The following C1orf52 variants were observed in gnomAD, a reference collection of about 807,000 sequenced individuals.
C1orf52 encodes the protein UPF0690 protein C1orf52.
C1orf52 carries 5 observed loss-of-function variants against 17.2 expected under a neutral mutation model. That is an observed-to-expected ratio of 0.29 (90% CI 0.15 to 0.61). The LOEUF (loss-of-function observed/expected upper bound fraction) is 0.61, where lower values mean the gene tolerates loss of function less well. Ranked by LOEUF, C1orf52 falls within the 20% of genes least tolerant of loss-of-function variation. C1orf52 has a pLI of 0.85. For missense variants in C1orf52, 245 were observed against 234.1 expected (o/e 1.05, Z -0.30); for synonymous variants, 110 against 88.0 (o/e 1.25, Z -1.40).
chr1:85,258,578 G>C lies in C1orf52; in HGVS notation c.421C>G (p.Gln141Glu), dbSNP rs1236532105. Reference sequence around the variant, plus strand: ...AGAAGCCTAGCTTTCTTAGCATTCTGTGGAGCATCATCACCATTGTCCTCA... The same window carrying C: ...AGAAGCCTAGCTTTCTTAGCATTCTCTGGAGCATCATCACCATTGTCCTCA... ...IYEDNGDDAPQNAKKARLLPE... is the reference protein window; with the variant it reads ...IYEDNGDDAPENAKKARLLPE... The change falls in exon 2 of 3, where the codon CAG becomes GAG. Residue 141 changes from glutamine (Q) to glutamate (E), a missense_variant. Coordinates refer to ENST00000471115, the MANE Select transcript of C1orf52 (RefSeq NM_198077.4). 2 of 1,614,028 alleles carry C rather than the reference G, an allele frequency of 1.2e-6. No homozygotes were observed. Among genetic ancestry groups the C allele is most frequent in the African/African-American group, 1.3e-5 (1 of 74,912 alleles).
chr1:85,256,385 T>G (rs1659936951), intron 2 of C1orf52, among the ~76,000 whole-genome samples: 1 of 152,232 alleles, frequency 6.6e-6, no homozygotes, highest in African/African-American at 2.4e-5. Flanking sequence ...ATTTTAGAAT[T>G]TGGCATTTTC....
At chr1:85,259,197 G>A in intron 1 of C1orf52, 161 bp downstream of exon 1, 4 of 1,150,630 alleles carry the variant, frequency 3.5e-6, no homozygotes, top group South Asian at 1.6e-5. Flanking sequence ...GGCGGGGAGA[G>A]GGGGCCAGGT....
chr1:85,259,159 G>A, intron 1 of C1orf52, 199 bp downstream of exon 1: 1 of 1,157,264 alleles, frequency 8.6e-7, no homozygotes, highest in Non-Finnish European at 1.2e-6. Context: ...CAAGGGGCGG[G>A]GCTGCGGGTC....
rs764946948 is a variant in C1orf52 at position 85,258,592 on chromosome 1, C to A, written c.407G>T (p.Gly136Val). The A allele has an allele frequency of 3.1e-6, 5 of 1,614,186 alleles. No individual in the cohort carries two copies. The Admixed American group carries it at 5.0e-5, about 16-fold the overall frequency. Reference protein sequence around the residue: ...IKWSNIYEDNGDDAPQNAKKA... With the variant: ...IKWSNIYEDNVDDAPQNAKKA... ...CTTAGCATTCTGTGGAGCATCATCA[C>A]CATTGTCCTCATATATGTTAGACCA... is the stretch of plus-strand genomic sequence containing the variant. The change falls in exon 2 of 3, where the codon GGT (glycine) becomes GTT (valine). Residue 136 changes from glycine (G) to valine (V), a missense_variant. Transcript: ENST00000471115.
Position 85,258,417 on chromosome 1 carries a change from AGTTT to A in C1orf52, c.475+103_475+106del, listed in dbSNP as rs1487909027. On this transcript the variant is annotated intron_variant, in intron 2 of 2. Transcript: ENST00000471115. ...GTAAGTATCCAAAGACCATCAAATTAGTTTGTCAATTCGCTAGATTTAATTTTCA... is the reference window on the plus strand; with the variant it reads ...GTAAGTATCCAAAGACCATCAAATTAGTCAATTCGCTAGATTTAATTTTCA... The A allele has an allele frequency of 1.8e-5, 19 of 1,027,826 alleles. No individual in the cohort carries two copies. In the African/African-American group the frequency reaches 2.6e-4, roughly 14 times the overall value. 63.7% of individuals were successfully genotyped at this position (1,027,826 alleles called of 1,614,324 possible).
chr1:85,257,323 A>C (rs1659968189), intron 2 of C1orf52: 1 of 633,616 alleles, frequency 1.6e-6, no homozygotes, highest in African/African-American at 1.9e-5. Flanking sequence ...TAGAGGTGAT[A>C]CCTGAGATTT....
In C1orf52 at chr1:85,252,472, G is replaced by T. The variant is rs1659822806; in HGVS notation, c.*157C>A. ...TACATACATGTTTTAAATAAAAAAA[G>T]AATTCTATAGTGGAAAGTTCTTGAG... On this transcript the variant is annotated 3_prime_UTR_variant, in exon 3 of 3. Transcript: ENST00000471115. The T allele has an allele frequency of 1.7e-6, 1 of 594,396 alleles. No homozygotes were observed. The highest frequency in any genetic ancestry group is 3.5e-5 in the Admixed American group (1 of 28,180). 36.8% of individuals were successfully genotyped at this position (594,396 alleles called of 1,614,324 possible).
chr1:85,257,857 A>C (rs905948250), intron 2 of C1orf52, among the ~76,000 whole-genome samples: 1 of 152,132 alleles, frequency 6.6e-6, no homozygotes, highest in Non-Finnish European at 1.5e-5. Flanking sequence ...GTAAATCCCA[A>C]CACTTTGGGA....
chr1:85,253,145 G>C (rs942102970), intron 2 of C1orf52, among the ~76,000 whole-genome samples: 9 of 151,938 alleles, frequency 5.9e-5, no homozygotes, highest in Admixed American at 1.3e-4. Flanking sequence ...ATGATGAAGG[G>C]GCTTTATTGG....
Position 85,251,999 on chromosome 1 carries a change from A to G in C1orf52, c.*630T>C, listed in dbSNP as rs901888962. The G allele has an allele frequency of 6.6e-6, 1 of 152,222 alleles. No individual in the cohort carries two copies. Among genetic ancestry groups the G allele is most frequent in the Non-Finnish European group, 1.5e-5 (1 of 68,042 alleles). The allele number at this position is 152,222 out of a possible 1,614,324, so 9.4% of individuals were successfully genotyped here. ...CAGACAAGCTACTCAAGCACTCTTT[A>G]TTATAAAATGAGAATACTAATAATA... On this transcript the variant is annotated 3_prime_UTR_variant, in exon 3 of 3. Coordinates refer to ENST00000471115, the MANE Select transcript of C1orf52 (RefSeq NM_198077.4).
At chr1:85,253,139 T>G (rs574721194) in intron 2 of C1orf52, among the ~76,000 whole-genome samples, 8 of 152,310 alleles carry the variant, frequency 5.3e-5, no homozygotes, top group Admixed American at 2.0e-4. Flanking sequence ...AGAAGGATGA[T>G]GAAGGGGCTT....
rs1283099892 is a variant in C1orf52, at chr1:85,251,571, C to T, written c.*1058G>A. On this transcript the variant is annotated 3_prime_UTR_variant, in exon 3 of 3. Coordinates refer to ENST00000471115, the MANE Select transcript of C1orf52 (RefSeq NM_198077.4). Reference sequence around the variant, plus strand: ...TAAAATAGAAGCTGGGTAGAGAAAACATGTAGAAGTAGGGTTACCAGATAA... The same window carrying T: ...TAAAATAGAAGCTGGGTAGAGAAAATATGTAGAAGTAGGGTTACCAGATAA... The T allele has an allele frequency of 1.3e-5, 2 of 152,110 alleles. No homozygotes were observed. Among genetic ancestry groups the T allele is most frequent in the South Asian group, 2.1e-4 (1 of 4,828 alleles). 9.4% of individuals were successfully genotyped at this position (152,110 alleles called of 1,614,324 possible).
rs1417589208 is a variant in C1orf52 at position 85,258,505 on chromosome 1, G to A, written c.475+19C>T. The A allele has an allele frequency of 3.2e-5, 51 of 1,598,518 alleles. No homozygotes were observed. The highest frequency in any genetic ancestry group is 1.0e-4 in the South Asian group (9 of 89,572). ...ACGGGGATCAAAATAGACCACCATC[G>A]GATTCTGACTTTCCTTACCTGATTC... On this transcript the variant is annotated intron_variant, in intron 2 of 2. Transcript: ENST00000471115.
chr1:85,258,817 A>G, intron 1 of C1orf52, 95 bp from the exon 2 acceptor site: 2 of 1,416,160 alleles, frequency 1.4e-6, no homozygotes, highest in East Asian at 2.5e-5. Flanking sequence ...CTTATCGTTC[A>G]GGCTGACTTT....
In C1orf52 at chr1:85,252,671, C is replaced by T. The variant is rs1276377827; in HGVS notation, c.507G>A (p.Lys169=). Reference sequence around the variant, plus strand: ...CTGGTTCTCCTGGCTCTACTTTGCGCTTTTTAGAAGTATGCTCATCTTTTT... The same window carrying T: ...CTGGTTCTCCTGGCTCTACTTTGCGTTTTTTAGAAGTATGCTCATCTTTTT... ...DDEKDEHTSK[K]RKVEPGEPAK... Residue 169 remains lysine (K), a synonymous_variant, in exon 3 of 3, where the codon AAG becomes AAA. Coordinates refer to ENST00000471115, the MANE Select transcript of C1orf52 (RefSeq NM_198077.4). The T allele has an allele frequency of 3.7e-6, 6 of 1,613,300 alleles. No homozygotes were observed. Among genetic ancestry groups the T allele is most frequent in the Non-Finnish European group, 5.1e-6 (6 of 1,179,594 alleles).
At chr1:85,256,537 C>A (rs1396706609) in intron 2 of C1orf52, among the ~76,000 whole-genome samples, 1 of 152,082 alleles carries the variant, frequency 6.6e-6, no homozygotes, top group Non-Finnish European at 1.5e-5. Context: ...CGGTGGCTCA[C>A]GCCTGTAATC....
intron 2 of C1orf52, among the ~76,000 whole-genome samples, chr1:85,256,101 C>G (rs957185272): frequency 1.3e-5 from 2 of 152,174 alleles, no homozygotes. Flanking sequence ...TCTTTACTGC[C>G]ATTCGCCCTA....
At position 85,259,656 on chromosome 1, in the gene C1orf52, G is replaced by T. The variant is rs570140498; in HGVS notation, c.-23C>A. On this transcript the variant is annotated 5_prime_UTR_variant, in exon 1 of 3. It adds an upstream start codon to the 5' untranslated region. Transcript: ENST00000471115. Reference sequence around the variant, plus strand: ...CATGACGGCTGCGAGCGACAACCCAGCACTCCGCCGGAAGCCGGAAACCGG... The same window carrying T: ...CATGACGGCTGCGAGCGACAACCCATCACTCCGCCGGAAGCCGGAAACCGG... 1.3e-6 allele frequency: 2 copies of T among 1,500,700 alleles called. No homozygotes were observed. The highest frequency in any genetic ancestry group is 1.8e-6 in the Non-Finnish European group (2 of 1,122,472). 93.0% of individuals were successfully genotyped at this position (1,500,700 alleles called of 1,614,324 possible). A position where few individuals can be genotyped will look rare whatever the true frequency, so the allele number is the denominator to read the frequency against.
At position 85,250,524 on chromosome 1, in the gene C1orf52, A is replaced by G. The variant is rs143488131; in HGVS notation, c.*2105T>C. The G allele has an allele frequency of 1.3e-3, 205 of 152,326 alleles. No individual in the cohort carries two copies. The highest frequency in any genetic ancestry group is 4.8e-3 in the African/African-American group (200 of 41,564). The allele number at this position is 152,326 out of a possible 1,614,324, so 9.4% of individuals were successfully genotyped here. A position where few individuals can be genotyped will look rare whatever the true frequency, so the allele number is the denominator to read the frequency against. ...CTAATGTGATGATGAATGTAGAGTG[A>G]TATGACAGTCCGTTTTCCAACCAGG... On this transcript the variant is annotated 3_prime_UTR_variant, in exon 3 of 3. Coordinates refer to ENST00000471115, the MANE Select transcript of C1orf52 (RefSeq NM_198077.4).
Sources: allele counts gnomAD v4.1 joint callset (sites outside exome capture counted in the v4.1 genomes callset), GRCh38; gene constraint gnomAD v4.1.1; transcripts MANE v1.5; gene names NCBI Gene and HGNC (gene_info 2026-07-23, HGNC 2026-07-21).